Variants in CACNA1C observed in about 807,000 individuals in gnomAD.
CACNA1C encodes voltage-dependent L-type calcium channel subunit alpha-1C.
In CACNA1C, 30 loss-of-function variants were observed where a neutral mutation model predicts 229.0. The observed-to-expected ratio is 0.13, with a 90% confidence interval of 0.10 to 0.18. The LOEUF (loss-of-function observed/expected upper bound fraction) is 0.18. CACNA1C is among the 10% of genes least tolerant of loss of function. CACNA1C has a pLI of 1.00. For missense variants in CACNA1C, 1,658 were observed against 2,845.0 expected, an observed-to-expected ratio of 0.58 and a Z score of 9.49; for synonymous variants, 1,114 against 1,132.5, an observed-to-expected ratio of 0.98 and a Z score of 0.33.
chr12:2,002,813 A>G (rs997105550), intron 1 of CACNA1C, among the ~76,000 whole-genome samples: 2 of 152,218 alleles, frequency 1.3e-5, no homozygotes, highest in Admixed American at 1.3e-4. Flanking sequence ...TATGTAGAAT[A>G]TCTTTTTATA....
At chr12:2,174,815 A>C (rs894608547) in intron 3 of CACNA1C, among the ~76,000 whole-genome samples, 1 of 152,246 alleles carries the variant, frequency 6.6e-6, no homozygotes, top group Non-Finnish European at 1.5e-5. Flanking sequence ...TCTTACAATA[A>C]AGTAGGCTAG....
chr12:2,256,456 T>C (rs1052965248), intron 3 of CACNA1C, among the ~76,000 whole-genome samples: 4 of 152,220 alleles, frequency 2.6e-5, no homozygotes, highest in Admixed American at 2.0e-4. Flanking sequence ...ATCAAATGAA[T>C]TAATGTGTTG....
At chr12:2,252,105 G>T (rs2075795659) in intron 3 of CACNA1C, among the ~76,000 whole-genome samples, 1 of 152,164 alleles carries the variant, frequency 6.6e-6, no homozygotes, top group Non-Finnish European at 1.5e-5. Flanking sequence ...TGTTATTTGT[G>T]AAGTATCCAC....
chr12:2,001,399 T>A, intron 1 of CACNA1C, among the ~76,000 whole-genome samples: 1 of 152,158 alleles, frequency 6.6e-6, no homozygotes, highest in East Asian at 1.9e-4. Flanking sequence ...TTATACTGTA[T>A]TATAAAATCT....
Position 2,149,237 on chromosome 12 carries a change from G to A in CACNA1C, c.477+28807G>A, listed in dbSNP as rs533886877. 3.3e-4 allele frequency among the ~76,000 whole-genome samples: 50 copies of A among 152,294 alleles called. 1 individual carries two copies. The South Asian group carries it at 8.5e-3, about 26-fold the overall frequency. ...TTGCATTTTGTTCTTGTGACCCTGT[G>A]GAAATGCTCAGATGAGTGCACATGT... On this transcript the variant is annotated intron_variant, in intron 3 of 46. Coordinates refer to ENST00000399655, the MANE Select transcript of CACNA1C (RefSeq NM_000719.7).
intron 3 of CACNA1C, among the ~76,000 whole-genome samples, chr12:2,383,430 C>A (rs976589720): frequency 1.3e-5 from 2 of 152,048 alleles, no homozygotes; most frequent in Admixed American, 6.6e-5. Context: ...AGGAATGTGC[C>A]CTTTGTCCTT....
intron 8 of CACNA1C, among the ~76,000 whole-genome samples, chr12:2,505,930 T>A (rs1034635271): frequency 3.3e-5 from 5 of 151,784 alleles, no homozygotes; most frequent in Non-Finnish European, 7.4e-5. Context: ...TCTAGAGAGG[T>A]TAATGCTGGG....
chr12:2,513,674 G>A (rs1236342625), intron 9 of CACNA1C, among the ~76,000 whole-genome samples: 11 of 152,186 alleles, frequency 7.2e-5, no homozygotes, highest in East Asian at 1.9e-4. Flanking sequence ...AAAAAATGAC[G>A]GATCATGAAA....
chr12:2,331,130 T>A (rs972653465), intron 3 of CACNA1C, among the ~76,000 whole-genome samples: 4 of 152,200 alleles, frequency 2.6e-5, no homozygotes, highest in Non-Finnish European at 5.9e-5. Flanking sequence ...AGCCGTATGA[T>A]ACCCTAATAA....
Position 2,666,663 on chromosome 12 carries a change from C to G in CACNA1C, c.4527-23C>G. On this transcript the variant is annotated intron_variant, in intron 36 of 46. Coordinates refer to ENST00000399655, the MANE Select transcript of CACNA1C (RefSeq NM_000719.7). This position sits in a 1 kb window ranked among gnomAD's most constrained non-coding sequence, Gnocchi z 5.3. ...AGACCGTGGCTCTCTGATGCCCTGT[C>G]CCTCCTCTCCCTCCTCTTCTAGGGG... The G allele has an allele frequency of 1.3e-6, 2 of 1,502,662 alleles. No homozygotes were observed. The highest frequency in any genetic ancestry group is 1.8e-6 in the Non-Finnish European group (2 of 1,096,072). 93.1% of individuals were successfully genotyped at this position (1,502,662 alleles called of 1,614,324 possible). A position where few individuals can be genotyped will look rare whatever the true frequency, so the allele number is the denominator to read the frequency against.
rs773068757 is a variant in CACNA1C, at chr12:2,606,582, T to G, written c.3157-29T>G. 8 of 1,577,412 alleles carry G rather than the reference T, an allele frequency of 5.1e-6. No individual in the cohort carries two copies. In the African/African-American group the frequency reaches 1.1e-4, roughly 21 times the overall value. On this transcript the variant is annotated intron_variant, in intron 24 of 46. Coordinates refer to ENST00000399655, the MANE Select transcript of CACNA1C (RefSeq NM_000719.7). ...GGATTGACTCATTGATTACTGAACA[T>G]CTCTGATACTCTGTTCTCTGCCTTC...
At chr12:1,997,286 T>C (rs1450099184) in intron 1 of CACNA1C, among the ~76,000 whole-genome samples, 1 of 152,168 alleles carries the variant, frequency 6.6e-6, no homozygotes, top group Admixed American at 6.5e-5. Flanking sequence ...CCCAGCACTT[T>C]AGGAGGCCAA....
intron 9 of CACNA1C, 54 bp from the exon 10 acceptor site, chr12:2,549,889 T>C: frequency 7.6e-7 from 1 of 1,309,006 alleles, no homozygotes; most frequent in Non-Finnish European, 1.1e-6. Flanking sequence ...GCTCTTCTGT[T>C]CCCTTGTCTC....
intron 3 of CACNA1C, among the ~76,000 whole-genome samples, chr12:2,380,540 C>A (rs1169542713): frequency 6.6e-6 from 1 of 152,174 alleles, no homozygotes; most frequent in Non-Finnish European, 1.5e-5. Context: ...CCTCTGGGAG[C>A]CCGGTACTGA....
At chr12:2,498,555 T>G (rs1325732141) in intron 7 of CACNA1C, among the ~76,000 whole-genome samples, 1 of 152,274 alleles carries the variant, frequency 6.6e-6, no homozygotes, top group African/African-American at 2.4e-5. Flanking sequence ...TGCTGTTTCC[T>G]GGGACGAGGG....
intron 3 of CACNA1C, among the ~76,000 whole-genome samples, chr12:2,126,460 G>C (rs746626903): frequency 1.3e-5 from 2 of 152,198 alleles, no homozygotes; most frequent in African/African-American, 2.4e-5. Flanking sequence ...AAAACTTCCT[G>C]TCCTCTGCAT....
chr12:2,589,891 G>A (rs2064416884), intron 18 of CACNA1C, among the ~76,000 whole-genome samples: 1 of 152,218 alleles, frequency 6.6e-6, no homozygotes, highest in Non-Finnish European at 1.5e-5. Context: ...AGATGTTGGA[G>A]AGAGGGAAAG....
intron 5 of CACNA1C, among the ~76,000 whole-genome samples, chr12:2,476,569 C>T (rs548403139): frequency 2.0e-5 from 3 of 152,284 alleles, no homozygotes; most frequent in African/African-American, 7.2e-5. Context: ...ATCTTGTCTG[C>T]CTTTCACCAT....
intron 3 of CACNA1C, among the ~76,000 whole-genome samples, chr12:2,249,849 C>G (rs2074910612): frequency 6.7e-6 from 1 of 149,998 alleles, no homozygotes; most frequent in African/African-American, 2.5e-5. Context: ...TGGCTCATTG[C>G]AAGCGCCGCC....
Sources: gnomAD v4.1 joint callset for allele counts (sites outside exome capture counted in the v4.1 genomes callset) on GRCh38, gnomAD v4.1.1 for gene constraint, Gnocchi (gnomAD v3.1) non-coding constraint, MANE v1.5 for transcripts, NCBI Gene and HGNC (gene_info 2026-07-23, HGNC 2026-07-21) for gene names.